MAOB: variants seen among roughly 807,000 people sequenced by gnomAD.
MAOB encodes amine oxidase [flavin-containing] B.
A neutral mutation model predicts 41.9 loss-of-function variants in MAOB; 15 were observed. The ratio of observed to expected loss-of-function variants is 0.36; its 90% CI spans 0.24 to 0.55. The LOEUF (loss-of-function observed/expected upper bound fraction) is 0.55. Ranked by LOEUF, MAOB falls within the 20% of genes least tolerant of loss-of-function variation. The pLI, the probability that MAOB is intolerant of heterozygous loss-of-function variation, is 0.86. For synonymous variants in MAOB, 167 were observed against 144.2 expected (o/e 1.16, Z -1.13); for missense variants, 345 against 398.7 (o/e 0.87, Z 1.15).
chrX:43,783,579 A>G (rs1025935897), intron 8 of MAOB, among the ~76,000 whole-genome samples: 3 of 112,577 alleles, frequency 2.7e-5, no homozygotes, highest in Non-Finnish European at 5.6e-5. Context: ...TATCTAAAAT[A>G]TGTACATAAT....
At chrX:43,789,776 A>G (rs941549467) in intron 8 of MAOB, among the ~76,000 whole-genome samples, 1 of 112,202 alleles carries the variant, frequency 8.9e-6, no homozygotes, top group African/African-American at 3.2e-5. Flanking sequence ...CTTACCACAC[A>G]CAGGAGATGA....
At chrX:43,822,109 A>G (rs1481301379) in intron 3 of MAOB, among the ~76,000 whole-genome samples, 2 of 112,276 alleles carry the variant, frequency 1.8e-5, no homozygotes, top group Non-Finnish European at 3.8e-5. Context: ...TCTCCATTGA[A>G]TAACTCATCC....
At chrX:43,842,802 A>C (rs1482008622) in intron 2 of MAOB, among the ~76,000 whole-genome samples, 1 of 111,782 alleles carries the variant, frequency 8.9e-6, no homozygotes, top group Non-Finnish European at 1.9e-5. Flanking sequence ...CATTATGCTA[A>C]GTGAAATAAG....
chrX:43,855,494 A>T (rs2035281984), intron 1 of MAOB, among the ~76,000 whole-genome samples: 2 of 111,055 alleles, frequency 1.8e-5, no homozygotes, highest in Non-Finnish European at 3.8e-5. Flanking sequence ...TAAAGGTATC[A>T]TTGAAACAGC....
At chrX:43,784,649 G>C (rs757946339) in intron 8 of MAOB, among the ~76,000 whole-genome samples, 14 of 112,151 alleles carry the variant, frequency 1.2e-4, no homozygotes, top group Non-Finnish European at 2.6e-4. Flanking sequence ...AGTAGTCTTA[G>C]CATAATTCCT....
intron 1 of MAOB, among the ~76,000 whole-genome samples, chrX:43,881,572 G>A (rs2035473520): frequency 8.9e-6 from 1 of 112,135 alleles, no homozygotes; most frequent in African/African-American, 3.3e-5. Flanking sequence ...GTGGCTGAGG[G>A]GGTAGTGTCT....
At chrX:43,817,882 C>G (rs1326571026) in intron 3 of MAOB, among the ~76,000 whole-genome samples, 1 of 112,247 alleles carries the variant, frequency 8.9e-6, no homozygotes, top group East Asian at 2.8e-4. Context: ...CTATGTGGTA[C>G]ATTTGTTCAT....
At chrX:43,798,012 C>T (rs73472081) in intron 5 of MAOB, among the ~76,000 whole-genome samples, 4,289 of 111,986 alleles carry the variant, frequency 0.038, 236 homozygotes, top group African/African-American at 0.13. Flanking sequence ...TCTTTTTACT[C>T]TAATGTTTCC....
intron 3 of MAOB, among the ~76,000 whole-genome samples, chrX:43,806,379 A>G (rs983604807): frequency 1.2e-4 from 13 of 111,908 alleles, no homozygotes; most frequent in Non-Finnish European, 2.1e-4. Context: ...TATCTGGTAG[A>G]ATATCCCTTA....
intron 8 of MAOB, among the ~76,000 whole-genome samples, chrX:43,786,059 A>G (rs762761936): frequency 3.2e-4 from 36 of 112,233 alleles, no homozygotes; most frequent in Non-Finnish European, 4.3e-4. Flanking sequence ...TTCAATTTGT[A>G]AAAAGTGCAA....
intron 3 of MAOB, among the ~76,000 whole-genome samples, chrX:43,817,048 TCTC>T (rs201867912): frequency 5.4e-5 from 6 of 110,444 alleles, no homozygotes; most frequent in East Asian, 5.7e-4. Flanking sequence ...TATTTCTTCC[TCTC>T]CTCCTCCTCC....
At chrX:43,815,257 A>C (rs1261556634) in intron 3 of MAOB, among the ~76,000 whole-genome samples, 1 of 112,116 alleles carries the variant, frequency 8.9e-6, no homozygotes, top group Non-Finnish European at 1.9e-5. Flanking sequence ...TAAACACATA[A>C]GTGTTTATTT....
In MAOB at chrX:43,882,244, C is replaced by G. The variant is rs1246849430; in HGVS notation, c.46+10G>C. On this transcript the variant is annotated intron_variant, in intron 1 of 14. Coordinates refer to ENST00000378069, the MANE Select transcript of MAOB (RefSeq NM_000898.5). ...GTGAAGAGGAAGGAGGGCGCACAGC[C>G]GCGACTAACCTGAGATGCCGCCCCC... The G allele has an allele frequency of 1.7e-6, 2 of 1,209,157 alleles. No homozygotes were observed. The highest frequency in any genetic ancestry group is 2.2e-6 in the Non-Finnish European group (2 of 894,454).
Position 43,855,967 on chromosome X carries a change from T to C in MAOB, c.47-12203A>G, listed in dbSNP as rs376823375. Reference sequence around the variant, plus strand: ...AGACAAAACATGTCTTCCATCACCATGGAGAAACAGCATCTCCCCCCAGCA... The same window carrying C: ...AGACAAAACATGTCTTCCATCACCACGGAGAAACAGCATCTCCCCCCAGCA... On this transcript the variant is annotated intron_variant, in intron 1 of 14. Transcript: ENST00000378069. Among the ~76,000 whole-genome samples the C allele has an allele frequency of 1.4e-4, 16 of 111,653 alleles. No homozygotes were observed. The South Asian group carries it at 4.2e-3, about 29-fold the overall frequency.
chrX:43,840,488 A>G (rs927432512), intron 2 of MAOB, among the ~76,000 whole-genome samples: 1 of 111,647 alleles, frequency 9.0e-6, no homozygotes, highest in Non-Finnish European at 1.9e-5. Flanking sequence ...GAATGAGTAC[A>G]GAGGGCTGGC....
intron 1 of MAOB, among the ~76,000 whole-genome samples, chrX:43,867,839 T>G (rs776263788): frequency 8.9e-6 from 1 of 112,575 alleles, no homozygotes; most frequent in Admixed American, 9.4e-5. Flanking sequence ...GCAGATATCA[T>G]TTTTCACCTG....
chrX:43,812,515 C>T (rs565133221), intron 3 of MAOB, among the ~76,000 whole-genome samples: 77 of 112,190 alleles, frequency 6.9e-4, no homozygotes, highest in African/African-American at 2.5e-3. Flanking sequence ...TTGCTACTAC[C>T]TGTCTTTTGA....
At chrX:43,770,341 C>T (rs2034166782) in intron 12 of MAOB, among the ~76,000 whole-genome samples, 2 of 111,481 alleles carry the variant, frequency 1.8e-5, no homozygotes, top group Admixed American at 9.5e-5. Context: ...CCCAAGTTCT[C>T]CCTATGCCCA....
At position 43,816,934 on chromosome X, in the gene MAOB, A is replaced by T. The variant is rs193298827; in HGVS notation, c.280-13530T>A. On this transcript the variant is annotated intron_variant, in intron 3 of 14. Coordinates refer to ENST00000378069, the MANE Select transcript of MAOB (RefSeq NM_000898.5). ...TTTGATGCCTCCCAGCAAAAGACAC[A>T]TTTTTCTTTAGTAGATGAGCTTCAG... Among the ~76,000 whole-genome samples the T allele has an allele frequency of 5.3e-3, 582 of 110,835 alleles. 4 individuals carry two copies. Among genetic ancestry groups the T allele is most frequent in the African/African-American group, 0.017 (530 of 30,428 alleles).
Sources: allele counts gnomAD v4.1 joint callset (sites outside exome capture counted in the v4.1 genomes callset), GRCh38; gene constraint gnomAD v4.1.1; transcripts MANE v1.5; gene names NCBI Gene and HGNC (gene_info 2026-07-23, HGNC 2026-07-21).